The following TENM3 variants were observed in gnomAD, a reference collection of about 807,000 sequenced individuals.
TENM3 encodes teneurin-3.
Under a neutral mutation model 255.1 loss-of-function variants are expected in TENM3, and 63 were observed. The ratio of observed to expected loss-of-function variants is 0.25; its 90% confidence interval spans 0.20 to 0.30. TENM3 has a LOEUF of 0.30. Among genes scored for constraint, TENM3 ranks in the 10% least tolerant of loss-of-function variants. The probability of loss-of-function intolerance (pLI) is 1.00; values close to 1 mark genes in which losing one functional copy is unlikely to be tolerated. For missense variants in TENM3, 2,929 were observed against 3,461.1 expected (o/e 0.85, Z 3.86); for synonymous variants, 1,306 against 1,322.3 (o/e 0.99, Z 0.27).
rs1419779059 is a variant in TENM3 at position 182,359,845 on chromosome 4, C to T, written c.511+12916C>T. ...CGATTTTGGATCTTTCCTGCTTTCT[C>T]TTGTGGGCATTTAGTGCTATAAATT... On this transcript the variant is annotated intron_variant, in intron 3 of 27. Coordinates refer to ENST00000511685, the MANE Select transcript of TENM3 (RefSeq NM_001080477.4). 2.6e-5 allele frequency among the ~76,000 whole-genome samples: 4 copies of T among 151,526 alleles called. No homozygotes were observed. The East Asian group carries it at 5.9e-4, about 22-fold the overall frequency.
chr4:181,827,807 C>G, the TENM3 span, among the ~76,000 whole-genome samples: 1 of 152,200 alleles, frequency 6.6e-6, no homozygotes, highest in African/African-American at 2.4e-5. Context: ...ATAGACAGAG[C>G]AGCTGTGAGA....
chr4:182,238,126 C>T (rs17072907), intron 1 of TENM3, among the ~76,000 whole-genome samples: 3,053 of 152,182 alleles, frequency 0.02, 98 homozygotes, highest in African/African-American at 0.07. Flanking sequence ...GGTGAAGAAA[C>T]AGTCTCAGGG....
chr4:181,474,500 G>T, the TENM3 span, among the ~76,000 whole-genome samples: 3 of 151,956 alleles, frequency 2.0e-5, no homozygotes, highest in East Asian at 1.9e-4. Context: ...ACTTTGGGAG[G>T]CTAGGCAGGC....
At chr4:182,763,903 T>C (rs2152772924) in intron 22 of TENM3, among the ~76,000 whole-genome samples, 1 of 152,376 alleles carries the variant, frequency 6.6e-6, no homozygotes, top group East Asian at 1.9e-4. Flanking sequence ...CATATCGGTG[T>C]ATCCATATCC....
chr4:181,799,339 G>A, the TENM3 span, among the ~76,000 whole-genome samples: 1 of 152,232 alleles, frequency 6.6e-6, no homozygotes, highest in African/African-American at 2.4e-5. Context: ...ATAAAACAAT[G>A]TAGAATATAA....
chr4:182,642,820 G>A (rs1043063508), intron 5 of TENM3, among the ~76,000 whole-genome samples: 3 of 152,098 alleles, frequency 2.0e-5, no homozygotes, highest in Non-Finnish European at 4.4e-5. Context: ...GACAACTAGA[G>A]TGCATATTAA....
At chr4:182,788,989 C>A in intron 24 of TENM3, 104 bp from the exon 25 acceptor site, 2 of 1,061,000 alleles carry the variant, frequency 1.9e-6, no homozygotes, top group South Asian at 1.8e-5. Context: ...AGTTAATTTA[C>A]TGACAAAGAG....
At chr4:182,511,284 A>G (rs1737367044) in intron 3 of TENM3, among the ~76,000 whole-genome samples, 1 of 152,234 alleles carries the variant, frequency 6.6e-6, no homozygotes, top group Non-Finnish European at 1.5e-5. Flanking sequence ...TAATAAAAAT[A>G]AACGTGTTTT....
the TENM3 span, among the ~76,000 whole-genome samples, chr4:181,535,008 C>A: frequency 6.6e-6 from 1 of 152,150 alleles, no homozygotes; most frequent in Non-Finnish European, 1.5e-5. Context: ...GTAATTTCAG[C>A]CTCCCTGGCT....
chr4:181,984,378 G>A, the TENM3 span, among the ~76,000 whole-genome samples: 3 of 152,088 alleles, frequency 2.0e-5, no homozygotes, highest in South Asian at 2.1e-4. Flanking sequence ...CTATGACAGC[G>A]CTGTAAAATA....
At chr4:182,486,950 A>C (rs1734799459) in intron 3 of TENM3, among the ~76,000 whole-genome samples, 1 of 152,208 alleles carries the variant, frequency 6.6e-6, no homozygotes, top group Non-Finnish European at 1.5e-5. Context: ...AACGGAACAA[A>C]GCATTGTATT....
chr4:181,836,437 C>T, the TENM3 span, among the ~76,000 whole-genome samples: 5 of 152,096 alleles, frequency 3.3e-5, no homozygotes, highest in Admixed American at 6.6e-5. Context: ...ACATTTGGGT[C>T]TTTCATTAAC....
the TENM3 span, among the ~76,000 whole-genome samples, chr4:181,573,600 A>G: frequency 2.0e-5 from 3 of 152,182 alleles, no homozygotes; most frequent in African/African-American, 7.2e-5. Context: ...AAGGAACTAG[A>G]ACAAGGCTAA....
chr4:182,532,122 A>G (rs1323947784), intron 3 of TENM3, among the ~76,000 whole-genome samples: 3 of 152,190 alleles, frequency 2.0e-5, no homozygotes, highest in Non-Finnish European at 4.4e-5. Flanking sequence ...AACATATTCT[A>G]AATCATTTGG....
chr4:181,551,838 A>ATGTGTG, the TENM3 span, among the ~76,000 whole-genome samples: 2 of 138,968 alleles, frequency 1.4e-5, no homozygotes, highest in African/African-American at 5.5e-5. Context: ...ATATATGTAT[A>ATGTGTG]TGTGTGTGTG....
chr4:182,782,855 T>G (rs1247091785), intron 24 of TENM3, among the ~76,000 whole-genome samples: 4 of 148,568 alleles, frequency 2.7e-5, no homozygotes, highest in Non-Finnish European at 3.0e-5. Context: ...AAAGTCTGTT[T>G]TATCAGAGAC....
At chr4:182,488,650 A>T (rs1176009938) in intron 3 of TENM3, among the ~76,000 whole-genome samples, 1 of 152,178 alleles carries the variant, frequency 6.6e-6, no homozygotes, top group Non-Finnish European at 1.5e-5. Flanking sequence ...TAGTTAATGA[A>T]TACCACGGAA....
rs386402555 is a variant in TENM3, at chr4:182,680,440, G to GA, written c.1639+91_1639+92insA. On this transcript the variant is annotated intron_variant, in intron 9 of 27. Transcript: ENST00000511685. ...AAACTACCGAGACAGGAAAGAAAGG[G>GA]GGGGGGAGACTGGCATATTGCTTGT... 279 of 1,416,896 alleles carry GA rather than the reference G, an allele frequency of 2.0e-4. 3 individuals carry two copies. In the Middle Eastern group the frequency reaches 2.5e-3, roughly 13 times the overall value. 87.8% of individuals were successfully genotyped at this position (1,416,896 alleles called of 1,614,324 possible). A position where few individuals can be genotyped will look rare whatever the true frequency, so the allele number is the denominator to read the frequency against.
At chr4:181,590,317 A>C in the TENM3 span, among the ~76,000 whole-genome samples, 1 of 152,176 alleles carries the variant, frequency 6.6e-6, no homozygotes, top group Non-Finnish European at 1.5e-5. Context: ...AGCTCGAAGG[A>C]AATTTCTACT....
Sources: gnomAD v4.1 joint callset for allele counts (sites outside exome capture counted in the v4.1 genomes callset) on GRCh38, gnomAD v4.1.1 for gene constraint, MANE v1.5 for transcripts, NCBI Gene and HGNC (gene_info 2026-07-23, HGNC 2026-07-21) for gene names.